Variants in CCDC73 observed in about 807,000 individuals in gnomAD.
The protein encoded by CCDC73 is coiled-coil domain containing 73.
Under a neutral mutation model 116.5 loss-of-function variants are expected in CCDC73, and 95 were observed. That is an observed-to-expected ratio of 0.82 (90% confidence interval 0.69 to 0.97). The LOEUF (loss-of-function observed/expected upper bound fraction) is 0.97. Ranked by LOEUF, CCDC73 falls within the 50% of genes least tolerant of loss-of-function variation. The pLI is 0.00. For synonymous variants in CCDC73, 398 were observed against 401.3 expected (o/e 0.99, Z 0.10); for missense variants, 1,066 against 1,206.8 (o/e 0.88, Z 1.73).
At chr11:32,684,908 G>C (rs116357205) in intron 6 of CCDC73, among the ~76,000 whole-genome samples, 25 of 152,020 alleles carry the variant, frequency 1.6e-4, no homozygotes, top group Non-Finnish European at 3.1e-4. Flanking sequence ...TTGAGCCCGG[G>C]GGGTGGAGGT....
At chr11:32,822,356 T>C in the CCDC73 span, among the ~76,000 whole-genome samples, 1 of 152,182 alleles carries the variant, frequency 6.6e-6, no homozygotes, top group Non-Finnish European at 1.5e-5. Flanking sequence ...CTGTAGCATG[T>C]TGATGACATG....
chr11:32,687,587 C>A (rs955095970), intron 6 of CCDC73, among the ~76,000 whole-genome samples: 20 of 150,660 alleles, frequency 1.3e-4, no homozygotes, highest in African/African-American at 2.4e-5. Context: ...TGCAGCAGTG[C>A]AAATTAATGG....
At chr11:32,652,608 C>T (rs114378652) in intron 12 of CCDC73, among the ~76,000 whole-genome samples, 1 of 152,168 alleles carries the variant, frequency 6.6e-6, no homozygotes, top group Non-Finnish European at 1.5e-5. Flanking sequence ...CCTGCACTCC[C>T]AAATTATCAA....
At chr11:32,689,142 A>G (rs759668670) in intron 6 of CCDC73, among the ~76,000 whole-genome samples, 1 of 152,214 alleles carries the variant, frequency 6.6e-6, no homozygotes, top group Non-Finnish European at 1.5e-5. Flanking sequence ...CTGGTCCAAA[A>G]CCAAAAATTA....
At chr11:32,822,605 A>C in the CCDC73 span, among the ~76,000 whole-genome samples, 1 of 152,216 alleles carries the variant, frequency 6.6e-6, no homozygotes, top group African/African-American at 2.4e-5. Flanking sequence ...ACCATATGAA[A>C]TTGCTGATAT....
In CCDC73 at chr11:32,639,155, AC is replaced by A. The variant is rs35315650; in HGVS notation, c.1050+2816del. Among the ~76,000 whole-genome samples, 4 of 148,204 alleles carry A rather than the reference AC, an allele frequency of 2.7e-5. No homozygotes were observed. In the East Asian group the frequency reaches 8.0e-4, roughly 29 times the overall value. ...AGAGCGAGACTCCATCTTCCCCGAC[AC>A]CCCCCCCAAAAAATCCTATTCCATC... On this transcript the variant is annotated intron_variant, in intron 13 of 17. Coordinates refer to ENST00000335185, the MANE Select transcript of CCDC73 (RefSeq NM_001008391.4).
intron 1 of CCDC73, among the ~76,000 whole-genome samples, chr11:32,768,496 A>T (rs1178282070): frequency 6.6e-6 from 1 of 152,174 alleles, no homozygotes; most frequent in Non-Finnish European, 1.5e-5. Context: ...TAAAATAAAA[A>T]AAGAAAGCAA....
chr11:32,693,874 C>A lies in CCDC73; in HGVS notation c.390+5377G>T, dbSNP rs149076084. ...TGACAAAATTCAACAGCCCTTCATG[C>A]TAAAAACTCTCAATAAACTAGGTAT... On this transcript the variant is annotated intron_variant, in intron 6 of 17. Transcript: ENST00000335185. Among the ~76,000 whole-genome samples the A allele has an allele frequency of 7.1e-3, 1,079 of 152,322 alleles. 12 individuals carry two copies. Among genetic ancestry groups the A allele is most frequent in the African/African-American group, 0.025 (1,040 of 41,564 alleles).
At chr11:32,696,222 T>C (rs1209959897) in intron 6 of CCDC73, among the ~76,000 whole-genome samples, 1 of 152,194 alleles carries the variant, frequency 6.6e-6, no homozygotes, top group African/African-American at 2.4e-5. Flanking sequence ...AATTAAGTTT[T>C]CCATGCTTCA....
At chr11:32,640,159 C>T (rs114290653) in intron 13 of CCDC73, among the ~76,000 whole-genome samples, 1,546 of 152,168 alleles carry the variant, frequency 0.01, 27 homozygotes, top group African/African-American at 0.035. Context: ...AAACTCTTAT[C>T]GAACCAAGGC....
At chr11:32,656,362 A>C (rs1855872656) in intron 9 of CCDC73, among the ~76,000 whole-genome samples, 1 of 151,964 alleles carries the variant, frequency 6.6e-6, no homozygotes, top group Non-Finnish European at 1.5e-5. Context: ...TACAGGCGTG[A>C]GCCACCGCGC....
rs184949727 is a variant in CCDC73, at chr11:32,749,909, C to T, written c.135+10200G>A. On this transcript the variant is annotated intron_variant, in intron 2 of 17. Coordinates refer to ENST00000335185, the MANE Select transcript of CCDC73 (RefSeq NM_001008391.4). Reference sequence around the variant, plus strand: ...TTTTTGAGACGGAGTCTTGCTCTGTCGCCCAGGCTGGAGTGCAATGGCACA... The same window carrying T: ...TTTTTGAGACGGAGTCTTGCTCTGTTGCCCAGGCTGGAGTGCAATGGCACA... Among the ~76,000 whole-genome samples the T allele has an allele frequency of 9.0e-4, 134 of 149,282 alleles. 2 individuals carry two copies. The East Asian group carries it at 0.02, about 23-fold the overall frequency.
intron 3 of CCDC73, among the ~76,000 whole-genome samples, chr11:32,706,873 A>G (rs1207648511): frequency 6.6e-6 from 1 of 152,204 alleles, no homozygotes; most frequent in Non-Finnish European, 1.5e-5. Context: ...TGCAAAATTA[A>G]GTTCTCTCCT....
intron 1 of CCDC73, among the ~76,000 whole-genome samples, chr11:32,791,793 T>G (rs1363226086): frequency 6.6e-6 from 1 of 152,054 alleles, no homozygotes; most frequent in East Asian, 1.9e-4. Flanking sequence ...AAACCCCATC[T>G]CTACCAAAAA....
chr11:32,627,742 T>G (rs918618915), intron 14 of CCDC73, among the ~76,000 whole-genome samples: 9 of 152,128 alleles, frequency 5.9e-5, no homozygotes, highest in Admixed American at 1.3e-4. Context: ...ACACCGCATG[T>G]TCTCACTCAT....
intron 9 of CCDC73, among the ~76,000 whole-genome samples, chr11:32,664,868 C>G (rs1272054694): frequency 6.6e-6 from 1 of 152,132 alleles, no homozygotes; most frequent in African/African-American, 2.4e-5. Flanking sequence ...TCTTTGTTCT[C>G]GTTGGTTTCG....
At chr11:32,716,375 C>T (rs1332430998) in intron 3 of CCDC73, among the ~76,000 whole-genome samples, 1 of 152,144 alleles carries the variant, frequency 6.6e-6, no homozygotes, top group East Asian at 1.9e-4. Flanking sequence ...TTGTGTTCTA[C>T]TAAATAACTA....
At chr11:32,813,318 G>A in the CCDC73 span, among the ~76,000 whole-genome samples, 1 of 152,054 alleles carries the variant, frequency 6.6e-6, no homozygotes, top group African/African-American at 2.4e-5. Context: ...TTCACATGAA[G>A]TCTCTTTTTT....
At chr11:32,729,565 T>C (rs754512717) in intron 2 of CCDC73, among the ~76,000 whole-genome samples, 2 of 152,176 alleles carry the variant, frequency 1.3e-5, no homozygotes, top group Non-Finnish European at 2.9e-5. Context: ...GTGGGTCAAA[T>C]GGTATTTCTG....
Sources: gnomAD v4.1 joint callset for allele counts (sites outside exome capture counted in the v4.1 genomes callset) on GRCh38, gnomAD v4.1.1 for gene constraint, MANE v1.5 for transcripts, NCBI Gene and HGNC (gene_info 2026-07-23, HGNC 2026-07-21) for gene names.